NTRK3: variants seen among roughly 807,000 people sequenced by gnomAD.
The protein encoded by NTRK3 is neurotrophic receptor tyrosine kinase 3.
Under a neutral mutation model 91.7 loss-of-function variants are expected in NTRK3, and 24 were observed. The ratio of observed to expected loss-of-function variants is 0.26; its 90% CI spans 0.19 to 0.37. NTRK3 has a LOEUF of 0.37. Ranked by LOEUF, NTRK3 falls within the 10% of genes least tolerant of loss-of-function variation. NTRK3 has a pLI of 1.00. For synonymous variants in NTRK3, 483 were observed against 404.0 expected (o/e 1.20, Z -2.34); for missense variants, 880 against 1,068.9 (o/e 0.82, Z 2.46).
intron 3 of NTRK3, among the ~76,000 whole-genome samples, chr15:88,194,969 C>A (rs1393308300): frequency 1.3e-5 from 2 of 152,192 alleles, no homozygotes; most frequent in African/African-American, 4.8e-5. Flanking sequence ...CCTGACCAAC[C>A]TAGCTAGGGT....
At chr15:88,093,984 G>A (rs1301491631) in intron 13 of NTRK3, among the ~76,000 whole-genome samples, 6 of 152,142 alleles carry the variant, frequency 3.9e-5, no homozygotes, top group African/African-American at 1.4e-4. Context: ...AAGGTCACCT[G>A]TGTGGTGGTG....
At chr15:88,220,966 C>T (rs1018272034) in intron 3 of NTRK3, among the ~76,000 whole-genome samples, 1 of 152,208 alleles carries the variant, frequency 6.6e-6, no homozygotes, top group Non-Finnish European at 1.5e-5. Flanking sequence ...AGAGTACAGG[C>T]TCAGAATTCC....
At chr15:88,080,607 G>C (rs1194540329) in intron 13 of NTRK3, among the ~76,000 whole-genome samples, 1 of 152,152 alleles carries the variant, frequency 6.6e-6, no homozygotes, top group East Asian at 1.9e-4. Flanking sequence ...AGCCACCCTG[G>C]GCCTGAGGAC....
chr15:88,135,991 T>C (rs1368068552), exon 9 of NTRK3: 1 of 1,614,118 alleles, frequency 6.2e-7, no homozygotes, highest in East Asian at 2.2e-5. Flanking sequence ...ACTCGTCACA[T>C]TCACCAGCGT....
intron 6 of NTRK3, among the ~76,000 whole-genome samples, chr15:88,142,148 C>CA (rs2042443626): frequency 6.6e-6 from 1 of 151,924 alleles, no homozygotes; most frequent in South Asian, 2.1e-4. Context: ...CAAAGACCGG[C>CA]ACATCCTAAA....
At chr15:88,252,459 G>A (rs1365418761) in intron 3 of NTRK3, 3 of 152,154 alleles carry the variant, frequency 2.0e-5, no homozygotes, top group Non-Finnish European at 4.4e-5. Context: ...CCCAGCTGGC[G>A]ACTCAGAGTC....
At chr15:88,058,480 G>A (rs1230653437) in intron 13 of NTRK3, among the ~76,000 whole-genome samples, 2 of 152,284 alleles carry the variant, frequency 1.3e-5, no homozygotes, top group Admixed American at 6.5e-5. Flanking sequence ...GCAAGTCCTA[G>A]GTCAAACAGG....
At chr15:87,982,242 G>C (rs1467429250) in intron 14 of NTRK3, among the ~76,000 whole-genome samples, 1 of 152,186 alleles carries the variant, frequency 6.6e-6, no homozygotes, top group East Asian at 1.9e-4. Flanking sequence ...AGCATAAGAG[G>C]CACTGCTCCA....
intron 14 of NTRK3, among the ~76,000 whole-genome samples, chr15:88,004,741 G>A (rs769566101): frequency 6.6e-6 from 1 of 152,136 alleles, no homozygotes; most frequent in Non-Finnish European, 1.5e-5. Context: ...GAGTGTGAGA[G>A]GCCAAACTTA....
chr15:88,149,434 G>A (rs183982144), intron 5 of NTRK3, among the ~76,000 whole-genome samples: 62 of 152,314 alleles, frequency 4.1e-4, no homozygotes, highest in Non-Finnish European at 6.3e-4. Context: ...CTCTAGGATA[G>A]TCCCCATGGC....
intron 3 of NTRK3, among the ~76,000 whole-genome samples, chr15:88,202,248 G>A (rs1223225914): frequency 6.6e-6 from 1 of 152,142 alleles, no homozygotes; most frequent in Non-Finnish European, 1.5e-5. Flanking sequence ...CCACCAGCCT[G>A]TATCTCAGCA....
At chr15:88,045,577 C>G (rs149677693) in intron 13 of NTRK3, among the ~76,000 whole-genome samples, 139 of 152,334 alleles carry the variant, frequency 9.1e-4, no homozygotes, top group African/African-American at 3.3e-3. Context: ...GCTGCCATAA[C>G]AACCACAACA....
intron 13 of NTRK3, among the ~76,000 whole-genome samples, chr15:88,117,938 G>C (rs1197411849): frequency 6.6e-6 from 1 of 152,202 alleles, no homozygotes; most frequent in Non-Finnish European, 1.5e-5. Flanking sequence ...AAGCACAGCT[G>C]GCTGAAGGAT....
intron 10 of NTRK3, among the ~76,000 whole-genome samples, chr15:88,129,614 A>C (rs2053614347): frequency 6.6e-6 from 1 of 152,168 alleles, no homozygotes; most frequent in East Asian, 1.9e-4. Context: ...GAAATGGATG[A>C]TTTCAGGGCC....
intron 14 of NTRK3, among the ~76,000 whole-genome samples, chr15:87,950,095 C>T (rs1158998086): frequency 6.6e-6 from 1 of 152,184 alleles, no homozygotes; most frequent in African/African-American, 2.4e-5. Context: ...CTCTGTCCCC[C>T]AAGCCGTCCC....
intron 17 of NTRK3, among the ~76,000 whole-genome samples, chr15:87,925,388 G>A (rs1042602285): frequency 2.0e-5 from 3 of 151,494 alleles, no homozygotes; most frequent in Non-Finnish European, 1.5e-5. Context: ...CTCTCCCCAT[G>A]CCCTTATATG....
At chr15:87,893,277 T>C (rs2065940174) in intron 17 of NTRK3, among the ~76,000 whole-genome samples, 1 of 152,182 alleles carries the variant, frequency 6.6e-6, no homozygotes, top group South Asian at 2.1e-4. Context: ...CCTCCAGCCC[T>C]GGGATGCCTA....
intron 14 of NTRK3, among the ~76,000 whole-genome samples, chr15:88,002,016 G>C (rs1332344040): frequency 6.6e-6 from 1 of 151,936 alleles, no homozygotes; most frequent in African/African-American, 2.4e-5. Context: ...TTTAAAAATA[G>C]AGTAAAAATG....
chr15:87,912,178 C>T (rs2067121575), intron 17 of NTRK3, among the ~76,000 whole-genome samples: 1 of 152,166 alleles, frequency 6.6e-6, no homozygotes. Flanking sequence ...ATCATCTTTG[C>T]TTGCTGCGTT....
Sources: gnomAD v4.1 joint callset for allele counts (sites outside exome capture counted in the v4.1 genomes callset) on GRCh38, gnomAD v4.1.1 for gene constraint, MANE v1.5 for transcripts, NCBI Gene and HGNC (gene_info 2026-07-23, HGNC 2026-07-21) for gene names.